The following UNC5D variants were observed in gnomAD, a reference collection of about 807,000 sequenced individuals.
UNC5D encodes unc-5 netrin receptor D.
Under a neutral mutation model 105.4 loss-of-function variants are expected in UNC5D, and 39 were observed. That is an observed-to-expected ratio of 0.37 (90% CI 0.29 to 0.48). The LOEUF (loss-of-function observed/expected upper bound fraction) is 0.48. Among genes scored for constraint, UNC5D ranks in the 20% least tolerant of loss-of-function variants. The pLI is 0.98. For synonymous variants in UNC5D, 452 were observed against 450.4 expected, an observed-to-expected ratio of 1.00 and a Z score of -0.04; for missense variants, 991 against 1,202.4, an observed-to-expected ratio of 0.82 and a Z score of 2.60.
intron 1 of UNC5D, among the ~76,000 whole-genome samples, chr8:35,437,271 A>G (rs1218261830): frequency 1.3e-5 from 2 of 151,970 alleles, no homozygotes; most frequent in Non-Finnish European, 2.9e-5. Flanking sequence ...CCATCATATT[A>G]TGTTTATATT....
chr8:35,762,663 T>C (rs1801591512), intron 14 of UNC5D, among the ~76,000 whole-genome samples: 2 of 152,216 alleles, frequency 1.3e-5, no homozygotes, highest in Admixed American at 1.3e-4. Flanking sequence ...TGAGATCACC[T>C]AAATCAGTTT....
intron 11 of UNC5D, among the ~76,000 whole-genome samples, chr8:35,738,665 A>G (rs1044830832): frequency 6.6e-6 from 1 of 152,238 alleles, no homozygotes; most frequent in Non-Finnish European, 1.5e-5. Flanking sequence ...CATGTGATTT[A>G]TACTTTAAAG....
intron 3 of UNC5D, among the ~76,000 whole-genome samples, chr8:35,584,775 G>A (rs1189234582): frequency 2.0e-5 from 3 of 151,922 alleles, no homozygotes; most frequent in African/African-American, 7.3e-5. Flanking sequence ...TTATCTCCTC[G>A]TTTGGCTATG....
chr8:35,705,863 G>A (rs761107207), intron 7 of UNC5D, 66 bp from the exon 8 acceptor site: 26 of 1,036,622 alleles, frequency 2.5e-5, no homozygotes, highest in Non-Finnish European at 3.6e-5. Flanking sequence ...AGTGAAACAG[G>A]AAATATATCT....
intron 1 of UNC5D, among the ~76,000 whole-genome samples, chr8:35,358,310 T>C (rs1474564311): frequency 1.3e-5 from 2 of 152,298 alleles, no homozygotes; most frequent in East Asian, 1.9e-4. Flanking sequence ...TGGGATACTA[T>C]GCAGCCCTAA....
chr8:35,730,646 A>AT (rs768479474), intron 10 of UNC5D, among the ~76,000 whole-genome samples: 10 of 152,236 alleles, frequency 6.6e-5, no homozygotes, highest in Admixed American at 2.6e-4. Flanking sequence ...TGAGATATAC[A>AT]TTTTTTTAAA....
At chr8:35,608,017 A>G (rs866526100) in intron 4 of UNC5D, among the ~76,000 whole-genome samples, 10 of 152,184 alleles carry the variant, frequency 6.6e-5, no homozygotes, top group Admixed American at 2.6e-4. Context: ...GGCTGACTGT[A>G]ATCCTGCATG....
intron 1 of UNC5D, among the ~76,000 whole-genome samples, chr8:35,456,535 G>A (rs1233100425): frequency 1.3e-5 from 2 of 152,094 alleles, no homozygotes; most frequent in Non-Finnish European, 2.9e-5. Context: ...CCTAACATTG[G>A]GCTCCATGAC....
intron 11 of UNC5D, among the ~76,000 whole-genome samples, chr8:35,740,014 G>C (rs1436614): frequency 6.7e-6 from 1 of 150,184 alleles, no homozygotes; most frequent in African/African-American, 2.5e-5. Flanking sequence ...TGCAAATTAC[G>C]GTGGGTGTTC....
rs76800007 is a variant in UNC5D at position 35,625,041 on chromosome 8, T to C, written c.570+29384T>C. On this transcript the variant is annotated intron_variant, in intron 4 of 16. Transcript: ENST00000404895. ...GTGTATGAATCTGAGCCCAGTGGTC[T>C]ATGAACTTCAGCGACCTGGTAGTCT... Among the ~76,000 whole-genome samples the C allele has an allele frequency of 5.9e-3, 893 of 152,350 alleles. 4 individuals are homozygous for C. The highest frequency in any genetic ancestry group is 7.0e-3 in the Non-Finnish European group (477 of 68,028).
At chr8:35,695,062 A>T (rs1200190454) in intron 7 of UNC5D, among the ~76,000 whole-genome samples, 51 of 152,208 alleles carry the variant, frequency 3.4e-4, no homozygotes. Context: ...AGAAGACATT[A>T]TTTATACATT....
chr8:35,266,085 A>C (rs1372453381), intron 1 of UNC5D, among the ~76,000 whole-genome samples: 1 of 152,122 alleles, frequency 6.6e-6, no homozygotes, highest in African/African-American at 2.4e-5. Context: ...ATAAGCCTCC[A>C]GAACATTAGG....
At chr8:35,522,159 T>G (rs1450132792) in intron 1 of UNC5D, among the ~76,000 whole-genome samples, 1 of 152,184 alleles carries the variant, frequency 6.6e-6, no homozygotes, top group Admixed American at 6.5e-5. Context: ...AAATTAACAT[T>G]TATATTTTTT....
intron 14 of UNC5D, among the ~76,000 whole-genome samples, chr8:35,760,915 T>G (rs900610005): frequency 6.6e-6 from 1 of 152,114 alleles, no homozygotes; most frequent in Non-Finnish European, 1.5e-5. Flanking sequence ...AAATTCAGGA[T>G]TTTTAAACTG....
chr8:35,518,444 C>T (rs1813251919), intron 1 of UNC5D, among the ~76,000 whole-genome samples: 1 of 150,690 alleles, frequency 6.6e-6, no homozygotes, highest in African/African-American at 2.4e-5. Context: ...TATCCTTCTG[C>T]AACATTTTTT....
chr8:35,439,235 T>C (rs1296524536), intron 1 of UNC5D, among the ~76,000 whole-genome samples: 1 of 152,036 alleles, frequency 6.6e-6, no homozygotes, highest in East Asian at 1.9e-4. Flanking sequence ...GTATGATGCC[T>C]GCATTCTGCA....
At chr8:35,307,129 A>G (rs1563299430) in intron 1 of UNC5D, among the ~76,000 whole-genome samples, 2 of 152,178 alleles carry the variant, frequency 1.3e-5, no homozygotes. Context: ...AAGAAAAAAA[A>G]AATTACAAAA....
chr8:35,695,674 A>G (rs1362560904), intron 7 of UNC5D, among the ~76,000 whole-genome samples: 1 of 152,006 alleles, frequency 6.6e-6, no homozygotes, highest in Non-Finnish European at 1.5e-5. Context: ...TAAGAAATAC[A>G]TGTATTCTGA....
chr8:35,788,901 G>C (rs1358867706), intron 16 of UNC5D, among the ~76,000 whole-genome samples: 1 of 151,486 alleles, frequency 6.6e-6, no homozygotes, highest in Non-Finnish European at 1.5e-5. Context: ...TTTTTCCCGA[G>C]ACAAATCTAC....
Sources: allele counts gnomAD v4.1 joint callset (sites outside exome capture counted in the v4.1 genomes callset), GRCh38; gene constraint gnomAD v4.1.1; transcripts MANE v1.5; gene names NCBI Gene and HGNC (gene_info 2026-07-23, HGNC 2026-07-21).